Variants in POTEE observed in about 807,000 individuals in gnomAD.
POTEE encodes ANKRD26-like family C member 1A.
In POTEE, 21 loss-of-function variants were observed where a neutral mutation model predicts 74.2. The observed-to-expected ratio is 0.28, with a 90% CI of 0.20 to 0.41. The LOEUF is 0.41. Among genes scored for constraint, POTEE ranks in the 10% least tolerant of loss-of-function variants. POTEE has a pLI of 1.00. For missense variants in POTEE, 525 were observed against 1,158.6 expected, an observed-to-expected ratio of 0.45 and a Z score of 7.94; for synonymous variants, 211 against 432.8, an observed-to-expected ratio of 0.49 and a Z score of 6.36.
chr2:131,238,045 A>T (rs1375760060), intron 10 of POTEE, 149 bp from the exon 11 acceptor site: 1 of 415,416 alleles, frequency 2.4e-6, no homozygotes, highest in Non-Finnish European at 4.1e-6. Context: ...TTTATTTAAC[A>T]GTTAAATTTT....
intron 16 of POTEE, among the ~76,000 whole-genome samples, chr2:131,256,754 AG>A (rs1238587126): frequency 7.4e-6 from 1 of 135,602 alleles, no homozygotes; most frequent in Non-Finnish European, 1.6e-5. Flanking sequence ...CCACTTCCTG[AG>A]GAAGAACCAT....
chr2:131,237,057 TA>T (rs1194134644), intron 10 of POTEE, among the ~76,000 whole-genome samples: 2 of 151,658 alleles, frequency 1.3e-5, no homozygotes. Context: ...AATACTCTTA[TA>T]ATATTTTTAT....
chr2:131,264,838 A>C lies in POTEE; in HGVS notation c.*155A>C, dbSNP rs1272090455. The C allele has an allele frequency of 1.5e-6, 1 of 670,692 alleles. No individual in the cohort carries two copies. Among genetic ancestry groups the C allele is most frequent in the Non-Finnish European group, 2.5e-6 (1 of 392,560 alleles). 41.5% of individuals were successfully genotyped at this position (670,692 alleles called of 1,614,324 possible). ...TCAGGATTTAAAAACCGGAATGGTG[A>C]AGGTGACAGCAGTCGGTTGGAGGAA... On this transcript the variant is annotated 3_prime_UTR_variant, in exon 18 of 18. Coordinates refer to ENST00000683005, the MANE Select transcript of POTEE (RefSeq NM_001083538.3).
intron 2 of POTEE, among the ~76,000 whole-genome samples, chr2:131,213,007 C>T (rs1179703349): frequency 2.7e-5 from 4 of 150,620 alleles, no homozygotes; most frequent in Admixed American, 6.6e-5. Flanking sequence ...GTCCCCCAGG[C>T]TGTAGTACGA....
chr2:131,221,471 T>TGG, intron 4 of POTEE, among the ~76,000 whole-genome samples: 1 of 152,256 alleles, frequency 6.6e-6, no homozygotes, highest in Middle Eastern at 3.4e-3. Flanking sequence ...CCCTTTCTCT[T>TGG]ATCTGTGATT....
chr2:131,263,658 G>T lies in POTEE; in HGVS notation c.2203G>T (p.Val735Leu), dbSNP rs1400853509. The T allele has an allele frequency of 3.8e-6, 6 of 1,589,394 alleles. No homozygotes were observed. The highest frequency in any genetic ancestry group is 1.8e-5 in the Admixed American group (1 of 56,182). The change falls in exon 18 of 18, where the codon GTG (valine) becomes TTG (leucine). Residue 735 changes from valine to leucine, a missense_variant. Val to Leu is a conservative substitution (Grantham distance 32). Transcript: ENST00000683005. ...DAPRAVFPSIVGRPRQQGMMG... is the reference protein window; with the variant it reads ...DAPRAVFPSILGRPRQQGMMG... ...CCCCCGGGCTGTCTTCCCTTCCATC[G>T]TGGGGCGCCCCAGGCAGCAGGGCAT... is the stretch of plus-strand genomic sequence containing the variant.
intron 12 of POTEE, among the ~76,000 whole-genome samples, chr2:131,243,270 GAAAA>G (rs1210971242): frequency 1.3e-5 from 2 of 149,252 alleles, no homozygotes; most frequent in Non-Finnish European, 3.0e-5. Flanking sequence ...TTTTGTATTA[GAAAA>G]AAAAAACCCT....
At chr2:131,209,944 A>C (rs1212993442) in intron 1 of POTEE, among the ~76,000 whole-genome samples, 125 bp downstream of exon 1, 1 of 127,598 alleles carries the variant, frequency 7.8e-6, no homozygotes, top group South Asian at 2.8e-4. Flanking sequence ...CCGAGGTTGC[A>C]TTGCTGGCGG....
intron 9 of POTEE, among the ~76,000 whole-genome samples, chr2:131,235,794 A>G: frequency 7.0e-6 from 1 of 142,338 alleles, no homozygotes; most frequent in South Asian, 2.2e-4. Context: ...CCCTGGCTCA[A>G]AAAAAAAAAA....
intron 16 of POTEE, among the ~76,000 whole-genome samples, chr2:131,257,036 A>G (rs1223777350): frequency 6.9e-6 from 1 of 143,924 alleles, no homozygotes; most frequent in Non-Finnish European, 1.5e-5. Flanking sequence ...TACAAATAAA[A>G]GTTTCTTTGT....
intron 4 of POTEE, among the ~76,000 whole-genome samples, chr2:131,220,990 T>C (rs1426770017): frequency 6.8e-6 from 1 of 147,462 alleles, no homozygotes; most frequent in South Asian, 2.1e-4. Context: ...AAAAAAGGAA[T>C]GAAATACTGT....
At chr2:131,210,575 G>A (rs1700336634) in intron 1 of POTEE, among the ~76,000 whole-genome samples, 1 of 152,046 alleles carries the variant, frequency 6.6e-6, no homozygotes, top group Non-Finnish European at 1.5e-5. Context: ...TCTTGAGCAG[G>A]GCAGGGCCCC....
chr2:131,263,967 G>A lies in POTEE; in HGVS notation c.2512G>A (p.Ala838Thr), dbSNP rs1292327356. Residue 838 changes from alanine to threonine, a missense_variant, in exon 18 of 18, where the codon GCC (alanine) becomes ACC (threonine). By Grantham distance (58) the Ala-to-Thr change is moderately conservative. Coordinates refer to ENST00000683005, the MANE Select transcript of POTEE (RefSeq NM_001083538.3). Reference protein sequence around the residue: ...NTPAMYVAIQAVPSLYTSGRT... With the variant: ...NTPAMYVAIQTVPSLYTSGRT... ...CCCAGCCATGTACGTGGCCATCCAG[G>A]CCGTGCCGTCCCTGTACACCTCTGG... The A allele has an allele frequency of 6.2e-7, 1 of 1,614,072 alleles. No individual in the cohort carries two copies. The highest frequency in any genetic ancestry group is 1.3e-5 in the African/African-American group (1 of 74,934).
chr2:131,237,384 G>A (rs1216532411), intron 10 of POTEE, among the ~76,000 whole-genome samples: 1 of 151,962 alleles, frequency 6.6e-6, no homozygotes, highest in African/African-American at 2.4e-5. Flanking sequence ...GTTGACCTCA[G>A]CGTTTCTGTT....
At chr2:131,233,801 A>G (rs76808533) in intron 9 of POTEE, among the ~76,000 whole-genome samples, 13,163 of 99,968 alleles carry the variant, frequency 0.13, no homozygotes, top group Admixed American at 0.17. Context: ...TGAATGAGAA[A>G]GGCTTGGGGG....
In POTEE at chr2:131,227,447, G is replaced by A. The variant is rs879707604; in HGVS notation, c.917+518G>A. Among the ~76,000 whole-genome samples, 67 of 136,530 alleles carry A rather than the reference G, an allele frequency of 4.9e-4. 1 individual carries two copies. Among genetic ancestry groups the A allele is most frequent in the Non-Finnish European group, 8.1e-4 (53 of 65,518 alleles). 89.6% of individuals were successfully genotyped at this position (136,530 alleles called of 152,430 possible). A position where few individuals can be genotyped will look rare whatever the true frequency, so the allele number is the denominator to read the frequency against. ...ATTAATTGCTGTTCCCACATACTGT[G>A]GGTTCAACAGCTTTTTTCCTTTTGT... On this transcript the variant is annotated intron_variant, in intron 7 of 17. Coordinates refer to ENST00000683005, the MANE Select transcript of POTEE (RefSeq NM_001083538.3).
In POTEE at chr2:131,218,470, A is replaced by G. The variant is rs2105065402; in HGVS notation, c.68A>G (p.Lys23Arg). Residue 23 changes from lysine (K) to arginine (R), a missense_variant, in exon 4 of 18, where the codon AAG (lysine) becomes AGG (arginine). Lys to Arg is a conservative substitution (Grantham distance 26). Transcript: ENST00000683005. Reference sequence around the variant, plus strand: ...AAGAAGCCATTTGGTCTCAGGAGCAAGATGGGCAAGTGGTGCTGCCGTTGC... The same window carrying G: ...AAGAAGCCATTTGGTCTCAGGAGCAGGATGGGCAAGTGGTGCTGCCGTTGC... The part of the protein sequence containing the change: ...SVKKPFGLRS[K>R]MGKWCCRCFP... 6.2e-7 allele frequency: 1 copy of G among 1,613,206 alleles called. No individual in the cohort carries two copies. The highest frequency in any genetic ancestry group is 2.2e-5 in the East Asian group (1 of 44,814).
At chr2:131,229,647 AC>A (rs1700887277) in intron 8 of POTEE, 1 of 152,210 alleles carries the variant, frequency 6.6e-6, no homozygotes, top group Non-Finnish European at 1.5e-5. Flanking sequence ...TTGGAACAAT[AC>A]GGGGAAAGTT....
chr2:131,243,326 AC>A (rs1471182011), intron 12 of POTEE, among the ~76,000 whole-genome samples: 10 of 148,160 alleles, frequency 6.7e-5, no homozygotes, highest in Non-Finnish European at 4.5e-5. Context: ...CTTTCCCACC[AC>A]CCTCCCCATC....
Sources: allele counts gnomAD v4.1 joint callset (sites outside exome capture counted in the v4.1 genomes callset), GRCh38; gene constraint gnomAD v4.1.1; transcripts MANE v1.5; gene names NCBI Gene and HGNC (gene_info 2026-07-23, HGNC 2026-07-21).